SLMAP: variants seen among roughly 807,000 people sequenced by gnomAD.
SLMAP encodes the protein sarcolemmal membrane-associated protein.
SLMAP carries 44 observed loss-of-function variants against 128.8 expected under a neutral mutation model. The ratio of observed to expected loss-of-function variants is 0.34; its 90% confidence interval spans 0.27 to 0.44. SLMAP has a LOEUF of 0.44. Ranked by LOEUF, SLMAP falls within the 20% of genes least tolerant of loss-of-function variation. The pLI, the probability that SLMAP is intolerant of heterozygous loss-of-function variation, is 1.00. For missense variants in SLMAP, 787 were observed against 985.3 expected (o/e 0.80, Z 2.69); for synonymous variants, 327 against 348.8 (o/e 0.94, Z 0.70).
chr3:57,807,835 A>G (rs780363009), intron 2 of SLMAP, among the ~76,000 whole-genome samples: 1 of 152,230 alleles, frequency 6.6e-6, no homozygotes, highest in Non-Finnish European at 1.5e-5. Context: ...GAATAGTTTC[A>G]GAAGGAATGG....
Position 57,885,771 on chromosome 3 carries a change from C to CTTTT in SLMAP, c.1301-4243_1301-4240dup, listed in dbSNP as rs35541333. ...TTGTTTTGCTTTTCGGTTTTTGGTT[C>CTTTT]TTTTTTTTTTTTTTTTTTTTTTTTT... On this transcript the variant is annotated intron_variant, in intron 14 of 24. Coordinates refer to ENST00000671191, the MANE Select transcript of SLMAP (RefSeq NM_001377540.1). Among the ~76,000 whole-genome samples the CTTTT allele has an allele frequency of 1.8e-3, 96 of 53,578 alleles. 15 individuals are homozygous for CTTTT. Among genetic ancestry groups the CTTTT allele is most frequent in the Non-Finnish European group, 2.2e-3 (66 of 30,196 alleles). The allele number at this position is 53,578 out of a possible 152,430, so 35.1% of individuals were successfully genotyped here.
chr3:57,921,214 G>T (rs73090313), intron 22 of SLMAP, among the ~76,000 whole-genome samples: 15,958 of 152,182 alleles, frequency 0.1, 999 homozygotes, highest in South Asian at 0.16. Flanking sequence ...TTTCACATTG[G>T]TCTCACCTTT....
chr3:57,779,992 CTT>C (rs914765254), intron 2 of SLMAP, among the ~76,000 whole-genome samples: 2 of 151,514 alleles, frequency 1.3e-5, no homozygotes, highest in African/African-American at 4.9e-5. Context: ...TTATATTTAA[CTT>C]AATTAAAATT....
chr3:57,768,576 A>G (rs1011318704), intron 2 of SLMAP, among the ~76,000 whole-genome samples: 1 of 152,174 alleles, frequency 6.6e-6, no homozygotes, highest in African/African-American at 2.4e-5. Flanking sequence ...TCATAGAAAC[A>G]AAGATTGGTG....
intron 3 of SLMAP, among the ~76,000 whole-genome samples, chr3:57,836,690 A>G (rs1465634030): frequency 6.6e-6 from 1 of 152,068 alleles, no homozygotes; most frequent in African/African-American, 2.4e-5. Flanking sequence ...CAAGGAGAAA[A>G]CTCAATGGTC....
intron 13 of SLMAP, among the ~76,000 whole-genome samples, chr3:57,869,255 T>G (rs904258607): frequency 2.7e-5 from 4 of 150,782 alleles, no homozygotes; most frequent in African/African-American, 9.7e-5. Flanking sequence ...TCTTTTCACA[T>G]TTTTCTGACT....
intron 2 of SLMAP, among the ~76,000 whole-genome samples, chr3:57,816,133 GT>G (rs1369738509): frequency 1.3e-5 from 2 of 150,822 alleles, no homozygotes; most frequent in Non-Finnish European, 3.0e-5. Context: ...GTTTGTGTTT[GT>G]TTGTTTGTTT....
At chr3:57,861,919 A>G in intron 9 of SLMAP, 30 bp from the exon 10 acceptor site, 9 of 1,579,886 alleles carry the variant, frequency 5.7e-6, no homozygotes, top group Non-Finnish European at 7.8e-6. Context: ...CACTTATTCT[A>G]ATTAAATTGC....
intron 2 of SLMAP, among the ~76,000 whole-genome samples, chr3:57,783,797 G>A (rs963313965): frequency 6.6e-6 from 1 of 152,182 alleles, no homozygotes; most frequent in African/African-American, 2.4e-5. Flanking sequence ...CATCACGGGT[G>A]CAGACCTCTA....
At chr3:57,879,310 T>C (rs556812725) in intron 14 of SLMAP, among the ~76,000 whole-genome samples, 2 of 152,360 alleles carry the variant, frequency 1.3e-5, no homozygotes, top group Admixed American at 1.3e-4. Flanking sequence ...TTGATAGTCT[T>C]CTGACTAAAT....
intron 19 of SLMAP, among the ~76,000 whole-genome samples, chr3:57,910,826 A>G (rs1015495635): frequency 9.2e-5 from 14 of 152,206 alleles, no homozygotes; most frequent in African/African-American, 3.1e-4. Context: ...TTAAATAGAC[A>G]AGTAATCACT....
At chr3:57,865,351 C>A in intron 13 of SLMAP, 59 bp downstream of exon 13, 1 of 726,802 alleles carries the variant, frequency 1.4e-6, no homozygotes, top group Non-Finnish European at 2.2e-6. Context: ...AGTATTTAAG[C>A]AGGATAAGGA....
intron 2 of SLMAP, among the ~76,000 whole-genome samples, chr3:57,764,985 T>G (rs1344266360): frequency 6.6e-6 from 1 of 152,232 alleles, no homozygotes; most frequent in Non-Finnish European, 1.5e-5. Flanking sequence ...ACTGAAGACT[T>G]TAGGGAAAGT....
At chr3:57,835,160 C>CCAGACACA (rs1249834782) in intron 3 of SLMAP, among the ~76,000 whole-genome samples, 1 of 147,508 alleles carries the variant, frequency 6.8e-6, no homozygotes, top group Non-Finnish European at 1.5e-5. Flanking sequence ...TGCTATTAGG[C>CCAGACACA]CAGACACAGT....
At chr3:57,837,256 G>GC (rs1560172576) in intron 3 of SLMAP, among the ~76,000 whole-genome samples, 1 of 152,174 alleles carries the variant, frequency 6.6e-6, no homozygotes, top group African/African-American at 2.4e-5. Context: ...TGTAAGCTGT[G>GC]CAACTATAGG....
chr3:57,851,601 T>C (rs1221635493), intron 6 of SLMAP, among the ~76,000 whole-genome samples: 1 of 151,234 alleles, frequency 6.6e-6, no homozygotes, highest in African/African-American at 2.4e-5. Context: ...GTCTCCCGAG[T>C]AGCTGGAATT....
intron 14 of SLMAP, among the ~76,000 whole-genome samples, chr3:57,878,918 A>G (rs561307555): frequency 2.0e-5 from 3 of 152,320 alleles, no homozygotes; most frequent in South Asian, 2.1e-4. Flanking sequence ...CTCTCTTCCA[A>G]TCAGTTTGTT....
intron 14 of SLMAP, among the ~76,000 whole-genome samples, chr3:57,887,330 A>T (rs899159307): frequency 6.6e-6 from 1 of 151,872 alleles, no homozygotes; most frequent in East Asian, 1.9e-4. Flanking sequence ...CCTGGGTTCA[A>T]ACGGTTCTCC....
At chr3:57,793,555 T>C (rs1576575137) in intron 2 of SLMAP, among the ~76,000 whole-genome samples, 1 of 152,178 alleles carries the variant, frequency 6.6e-6, no homozygotes, top group African/African-American at 2.4e-5. Flanking sequence ...TTCTGAAATA[T>C]TGGCAGCAAA....
Sources: allele counts gnomAD v4.1 joint callset (sites outside exome capture counted in the v4.1 genomes callset), GRCh38; gene constraint gnomAD v4.1.1; transcripts MANE v1.5; gene names NCBI Gene and HGNC (gene_info 2026-07-23, HGNC 2026-07-21).